Variants in NPAS2 observed in about 807,000 individuals in gnomAD.
The protein encoded by NPAS2 is neuronal PAS domain protein 2.
Under a neutral mutation model 107.5 loss-of-function variants are expected in NPAS2, and 23 were observed. The ratio of observed to expected loss-of-function variants is 0.21; its 90% confidence interval spans 0.15 to 0.30. The LOEUF (loss-of-function observed/expected upper bound fraction) is 0.30. Ranked by LOEUF, NPAS2 falls within the 10% of genes least tolerant of loss-of-function variation. The pLI is 1.00. For synonymous variants in NPAS2, 403 were observed against 417.5 expected (o/e 0.97, Z 0.42); for missense variants, 756 against 1,043.3 (o/e 0.72, Z 3.79).
At chr2:100,827,960 T>C (rs1032103427) in intron 1 of NPAS2, among the ~76,000 whole-genome samples, 18 of 152,236 alleles carry the variant, frequency 1.2e-4, no homozygotes, top group Admixed American at 2.6e-4. Context: ...GTCAAATTAG[T>C]AGCTCTGTTT....
chr2:100,852,258 G>T (rs965204967), intron 1 of NPAS2, among the ~76,000 whole-genome samples: 30 of 152,174 alleles, frequency 2.0e-4, no homozygotes, highest in Admixed American at 1.8e-3. Context: ...TTAGCCGGGC[G>T]TGGTGGTGGG....
intron 1 of NPAS2, among the ~76,000 whole-genome samples, chr2:100,862,951 A>G (rs554005892): frequency 6.6e-6 from 1 of 152,270 alleles, no homozygotes; most frequent in South Asian, 2.1e-4. Context: ...TGTTAGTGAA[A>G]TGGTGTTGTC....
intron 1 of NPAS2, chr2:100,821,007 T>G: frequency 2.4e-6 from 3 of 1,265,792 alleles, no homozygotes; most frequent in Non-Finnish European, 3.1e-6. Context: ...CCACCCCAAC[T>G]CCGGAGCTCC....
Position 100,965,717 on chromosome 2 carries a change from C to T in NPAS2, c.858C>T (p.Asp286=). Residue 286 remains aspartate (D), a synonymous_variant, in exon 10 of 21, where the codon GAC becomes GAT. Coordinates refer to ENST00000335681, the MANE Select transcript of NPAS2 (RefSeq NM_002518.4). The surrounding 1 kb of genome is among the most constrained non-coding windows in gnomAD (Gnocchi z 4.3). ...PFEVLGTSGY[D]YYHIDDLELL... is the part of the protein sequence containing the mutation. Reference sequence around the variant, plus strand: ...AAGTGCTGGGAACCTCAGGCTATGACTACTACCACATTGATGACCTGGAGC... The same window carrying T: ...AAGTGCTGGGAACCTCAGGCTATGATTACTACCACATTGATGACCTGGAGC... 6.2e-7 allele frequency: 1 copy of T among 1,614,106 alleles called. No individual in the cohort carries two copies. Among genetic ancestry groups the T allele is most frequent in the Non-Finnish European group, 8.5e-7 (1 of 1,179,970 alleles).
chr2:100,918,299 A>G (rs1040247218), intron 2 of NPAS2, among the ~76,000 whole-genome samples: 1 of 152,192 alleles, frequency 6.6e-6, no homozygotes, highest in African/African-American at 2.4e-5. Context: ...CTGTAAAACC[A>G]TAAGAAGAAA....
chr2:100,820,331 C>T lies in NPAS2; in HGVS notation c.-106C>T, dbSNP rs1268727982. On this transcript the variant is annotated 5_prime_UTR_variant, in exon 1 of 21. Transcript: ENST00000335681. The surrounding 1 kb of genome is among the most constrained non-coding windows in gnomAD (Gnocchi z 5.6). ...GGAGCTCGCCGCGCCCGCTCGCCGC[C>T]TCGTCTCCCAGCGGCGGCGGGAGGC... 7.5e-5 allele frequency: 11 copies of T among 147,542 alleles called. No individual in the cohort carries two copies. Among genetic ancestry groups the T allele is most frequent in the African/African-American group, 2.7e-4 (11 of 40,814 alleles). The allele number at this position is 147,542 out of a possible 1,614,324, so 9.1% of individuals were successfully genotyped here. A position where few individuals can be genotyped will look rare whatever the true frequency, so the allele number is the denominator to read the frequency against.
intron 16 of NPAS2, chr2:100,982,831 A>ATGCAGTC (rs1677538355): frequency 5.7e-6 from 1 of 176,956 alleles, no homozygotes; most frequent in South Asian, 1.5e-4. Flanking sequence ...AAATGATGAT[A>ATGCAGTC]TCCATATCAC....
At chr2:100,991,862 C>T (rs1197207217) in intron 19 of NPAS2, among the ~76,000 whole-genome samples, 2 of 152,310 alleles carry the variant, frequency 1.3e-5, no homozygotes, top group African/African-American at 4.8e-5. Context: ...CTCCAGGCCA[C>T]GGGCCCCTTG....
At chr2:100,977,670 G>GGCAGAAGCA in intron 14 of NPAS2, 40 bp from the exon 15 acceptor site, 1 of 1,559,732 alleles carries the variant, frequency 6.4e-7, no homozygotes, top group Non-Finnish European at 8.8e-7. Context: ...CCCCTGGAAT[G>GGCAGAAGCA]GCAGAAGCAG....
Position 100,834,512 on chromosome 2 carries a change from G to A in NPAS2, c.-23+14098G>A, listed in dbSNP as rs113758574. On this transcript the variant is annotated intron_variant, in intron 1 of 20. Coordinates refer to ENST00000335681, the MANE Select transcript of NPAS2 (RefSeq NM_002518.4). ...CTGACTTTTTTCAGATAGACTGAAC[G>A]CACAGAGCTCATTCATGCCTATGAA... is the stretch of plus-strand genomic sequence containing the variant. Among the ~76,000 whole-genome samples the A allele has an allele frequency of 1.1e-3, 175 of 152,202 alleles. 1 individual carries two copies. Among genetic ancestry groups the A allele is most frequent in the African/African-American group, 4.1e-3 (170 of 41,532 alleles).
chr2:100,978,170 C>T (rs1372564003), intron 15 of NPAS2, among the ~76,000 whole-genome samples: 3 of 152,152 alleles, frequency 2.0e-5, no homozygotes, highest in Non-Finnish European at 4.4e-5. Context: ...CACCCTTGCC[C>T]CACCAGTCCC....
In NPAS2 at chr2:100,993,471, C is replaced by G; in HGVS notation, c.2236C>G (p.Pro746Ala). Residue 746 changes from proline (P) to alanine (A), a missense_variant, in exon 20 of 21, where the codon CCA (proline) becomes GCA (alanine). Around this residue, in one of 4 missense-constraint regions of NPAS2, gnomAD observed 496 missense variants for 594.4 expected, o/e 0.83. Transcript: ENST00000335681. The part of the protein sequence containing the change: ...VLHPSFPASQ[P>A]SPLQPAQARQ... The stretch of plus-strand genomic sequence containing the variant: ...CCACCCCAGCTTCCCTGCCTCCCAA[C>G]CATCGCCCCTGCAGCCTGCACAGGC... 1 of 1,610,862 alleles carries G rather than the reference C, an allele frequency of 6.2e-7. No homozygotes were observed. The highest frequency in any genetic ancestry group is 8.5e-7 in the Non-Finnish European group (1 of 1,178,658).
chr2:100,849,472 A>G (rs1333251951), intron 1 of NPAS2, among the ~76,000 whole-genome samples: 10 of 152,112 alleles, frequency 6.6e-5, no homozygotes, highest in Non-Finnish European at 2.9e-5. Context: ...TTCACCTCCC[A>G]GGTCTTCAGG....
chr2:100,963,195 T>G (rs773431487), intron 7 of NPAS2, among the ~76,000 whole-genome samples: 2 of 152,006 alleles, frequency 1.3e-5, no homozygotes, highest in Non-Finnish European at 2.9e-5. Flanking sequence ...AGGGGGAGTT[T>G]CAGGACAGAG....
At chr2:100,949,727 T>C (rs1482305312) in intron 7 of NPAS2, among the ~76,000 whole-genome samples, 3 of 152,218 alleles carry the variant, frequency 2.0e-5, no homozygotes, top group Admixed American at 2.0e-4. Flanking sequence ...TATTCATTTA[T>C]TTATCTTCGG....
intron 13 of NPAS2, chr2:100,975,190 C>T: frequency 1.7e-6 from 1 of 577,960 alleles, no homozygotes; most frequent in Non-Finnish European, 3.0e-6. Flanking sequence ...GATCCCTTGA[C>T]TGCTTTTAGT....
In NPAS2 at chr2:100,927,862, A is replaced by C. The variant is rs79363065; in HGVS notation, c.181+2568A>C. 8.1e-3 allele frequency among the ~76,000 whole-genome samples: 1,236 copies of C among 152,336 alleles called. 14 individuals are homozygous for C. The highest frequency in any genetic ancestry group is 0.027 in the African/African-American group (1,107 of 41,582). The stretch of plus-strand genomic sequence containing the variant: ...GTTACAAAAAGTCACAGAATAGTTA[A>C]GAGGGCTCAGAACCTATTAGCAAGC... On this transcript the variant is annotated intron_variant, in intron 3 of 20. Coordinates refer to ENST00000335681, the MANE Select transcript of NPAS2 (RefSeq NM_002518.4).
chr2:100,854,873 C>A (rs141196436), intron 1 of NPAS2, among the ~76,000 whole-genome samples: 1 of 152,130 alleles, frequency 6.6e-6, no homozygotes, highest in African/African-American at 2.4e-5. Flanking sequence ...GCTATTGAGA[C>A]GCTGAAATGT....
intron 20 of NPAS2, 171 bp from the exon 21 acceptor site, chr2:100,995,229 T>A (rs1207468170): frequency 3.7e-6 from 2 of 543,492 alleles, no homozygotes; most frequent in Non-Finnish European, 6.4e-6. Flanking sequence ...TTAGTCCCCA[T>A]CCCCACCACA....
Sources: gnomAD v4.1 joint callset for allele counts (sites outside exome capture counted in the v4.1 genomes callset) on GRCh38, gnomAD v4.1.1 for gene constraint, gnomAD v4.1.1 regional missense constraint, Gnocchi (gnomAD v3.1) non-coding constraint, MANE v1.5 for transcripts, NCBI Gene and HGNC (gene_info 2026-07-23, HGNC 2026-07-21) for gene names.